NKAIN2: variants seen among roughly 807,000 people sequenced by gnomAD.
NKAIN2 encodes sodium/potassium transporting ATPase interacting 2.
In NKAIN2, 14 loss-of-function variants were observed where a neutral mutation model predicts 32.6. The ratio of observed to expected loss-of-function variants is 0.43; its 90% CI spans 0.28 to 0.67. The LOEUF (loss-of-function observed/expected upper bound fraction) is 0.67. NKAIN2 is among the 30% of genes least tolerant of loss of function. The pLI, the probability that NKAIN2 is intolerant of heterozygous loss-of-function variation, is 0.17. For missense variants in NKAIN2, 198 were observed against 258.3 expected, an observed-to-expected ratio of 0.77 and a Z score of 1.60; for synonymous variants, 80 against 87.2, an observed-to-expected ratio of 0.92 and a Z score of 0.46.
At position 123,922,852 on chromosome 6, in the gene NKAIN2, T is replaced by C. The variant is rs1192120964; in HGVS notation, c.54+118598T>C. ...TATTGAAAGATAAAACATAATTTACTTTTTAATTTTTAACATGGGGAAAGT... is the reference window on the plus strand; with the variant it reads ...TATTGAAAGATAAAACATAATTTACCTTTTAATTTTTAACATGGGGAAAGT... On this transcript the variant is annotated intron_variant, in intron 1 of 6. Transcript: ENST00000368417. Among the ~76,000 whole-genome samples the C allele has an allele frequency of 5.9e-5, 9 of 152,232 alleles. No individual in the cohort carries two copies. In the East Asian group the frequency reaches 1.5e-3, roughly 26 times the overall value.
chr6:124,628,071 C>T (rs1373993169), intron 3 of NKAIN2, among the ~76,000 whole-genome samples: 3 of 152,098 alleles, frequency 2.0e-5, no homozygotes, highest in East Asian at 3.9e-4. Context: ...ACATGAGAAA[C>T]ACTGCAGCCA....
intron 4 of NKAIN2, among the ~76,000 whole-genome samples, chr6:124,744,465 CTGCTTATCTGTTAAAAA>C (rs1361545070): frequency 2.6e-5 from 4 of 151,792 alleles, no homozygotes; most frequent in Non-Finnish European, 5.9e-5. Context: ...CAAATCTCCT[CTGCTTATCTGTTAAAAA>C]ACAATAATAA....
intron 1 of NKAIN2, among the ~76,000 whole-genome samples, chr6:124,058,207 T>G (rs1460696397): frequency 1.5e-3 from 4 of 2,690 alleles, no homozygotes; most frequent in Non-Finnish European, 8.6e-3. Context: ...AAGTTTTGTT[T>G]TTTTTTTTTT....
chr6:124,170,910 GT>G (rs1326857595), intron 1 of NKAIN2, among the ~76,000 whole-genome samples: 1 of 151,940 alleles, frequency 6.6e-6, no homozygotes, highest in East Asian at 1.9e-4. Context: ...TTCTTTATAA[GT>G]TTTTTCCCCA....
chr6:124,185,939 G>A (rs761562267), intron 1 of NKAIN2, among the ~76,000 whole-genome samples: 144 of 151,868 alleles, frequency 9.5e-4, no homozygotes, highest in Non-Finnish European at 1.8e-3. Flanking sequence ...ATAAAGCTTA[G>A]TATATTATTA....
Position 123,940,242 on chromosome 6 carries a change from A to G in NKAIN2, c.54+135988A>G, listed in dbSNP as rs561938505. On this transcript the variant is annotated intron_variant, in intron 1 of 6. Transcript: ENST00000368417. ...ACAAAAACACTTAAAGCACAAAAAA[A>G]TCACGTAAGCTGTGCTCTGAATGCC... Among the ~76,000 whole-genome samples the G allele has an allele frequency of 5.4e-4, 82 of 151,910 alleles. 1 individual carries two copies. Among genetic ancestry groups the G allele is most frequent in the African/African-American group, 1.9e-3 (78 of 41,478 alleles).
chr6:124,411,877 A>G (rs1016131421), intron 3 of NKAIN2, among the ~76,000 whole-genome samples: 13 of 151,938 alleles, frequency 8.6e-5, no homozygotes, highest in African/African-American at 2.9e-4. Flanking sequence ...GGCTTTGTTC[A>G]TTTCTTTTTA....
chr6:124,487,294 C>T (rs751070591), intron 3 of NKAIN2, among the ~76,000 whole-genome samples: 3 of 151,960 alleles, frequency 2.0e-5, no homozygotes, highest in Non-Finnish European at 4.4e-5. Context: ...TATTGCCAAA[C>T]AAAAAGATGA....
intron 3 of NKAIN2, among the ~76,000 whole-genome samples, chr6:124,442,747 G>C (rs1292668888): frequency 2.0e-5 from 3 of 152,106 alleles, no homozygotes; most frequent in Non-Finnish European, 2.9e-5. Context: ...CATGCCAGAA[G>C]CTCTATGTTG....
At chr6:124,440,218 G>C (rs545003317) in intron 3 of NKAIN2, among the ~76,000 whole-genome samples, 4 of 152,096 alleles carry the variant, frequency 2.6e-5, no homozygotes, top group African/African-American at 9.6e-5. Context: ...GATGAATCTA[G>C]GTGACACACC....
At chr6:124,547,399 T>C (rs954904332) in intron 3 of NKAIN2, among the ~76,000 whole-genome samples, 1 of 152,222 alleles carries the variant, frequency 6.6e-6, no homozygotes, top group Non-Finnish European at 1.5e-5. Flanking sequence ...TGATATGAAG[T>C]ATTCAGGGTC....
intron 1 of NKAIN2, among the ~76,000 whole-genome samples, chr6:124,194,534 C>T (rs954067593): frequency 2.0e-5 from 3 of 151,814 alleles, no homozygotes; most frequent in African/African-American, 4.8e-5. Context: ...ACTTGATTTT[C>T]GTACATTCCT....
intron 1 of NKAIN2, among the ~76,000 whole-genome samples, chr6:124,112,804 A>C (rs934748783): frequency 6.7e-6 from 1 of 150,366 alleles, no homozygotes; most frequent in Non-Finnish European, 1.5e-5. Flanking sequence ...AGTGACTTCT[A>C]TTCCAGTTCG....
intron 3 of NKAIN2, among the ~76,000 whole-genome samples, chr6:124,651,592 C>G (rs529816456): frequency 1.3e-5 from 2 of 152,044 alleles, no homozygotes; most frequent in African/African-American, 4.8e-5. Context: ...AACAGTGGCC[C>G]GAGCTGTACT....
intron 5 of NKAIN2, among the ~76,000 whole-genome samples, chr6:124,807,980 T>C (rs1323875320): frequency 6.8e-6 from 1 of 148,132 alleles, no homozygotes; most frequent in East Asian, 2.3e-4. Flanking sequence ...TCTGAAATTG[T>C]GGCAATAATC....
chr6:124,066,489 A>C (rs183419297), intron 1 of NKAIN2, among the ~76,000 whole-genome samples: 2 of 152,288 alleles, frequency 1.3e-5, no homozygotes, highest in African/African-American at 4.8e-5. Flanking sequence ...TCCAGAAGGC[A>C]CTATAGAGTT....
chr6:123,956,687 T>G (rs1582840176), intron 1 of NKAIN2, among the ~76,000 whole-genome samples: 1 of 152,184 alleles, frequency 6.6e-6, no homozygotes, highest in African/African-American at 2.4e-5. Context: ...TCCATTGTTG[T>G]GTCTTCATTC....
chr6:124,083,374 G>T (rs1299960020), intron 1 of NKAIN2, among the ~76,000 whole-genome samples: 1 of 151,758 alleles, frequency 6.6e-6, no homozygotes, highest in Non-Finnish European at 1.5e-5. Context: ...CTTTGTCATT[G>T]TTATTATTGT....
rs2025251 is a variant in NKAIN2, at chr6:124,823,206, T to A, written c.618-14T>A. On this transcript the variant is annotated splice_polypyrimidine_tract_variant and intron_variant, in intron 6 of 6. Coordinates refer to ENST00000368417, the MANE Select transcript of NKAIN2 (RefSeq NM_001040214.3). ...CTTTCCCCCTTGACTAAAAACATCTTTTCTCTCTCTCAGGTCAAAATAATA... is the reference window on the plus strand; with the variant it reads ...CTTTCCCCCTTGACTAAAAACATCTATTCTCTCTCTCAGGTCAAAATAATA... 1.3e-6 allele frequency: 2 copies of A among 1,573,582 alleles called. No homozygotes were observed. The highest frequency in any genetic ancestry group is 3.3e-5 in the Admixed American group (2 of 59,914).
Sources: gnomAD v4.1 joint callset for allele counts (sites outside exome capture counted in the v4.1 genomes callset) on GRCh38, gnomAD v4.1.1 for gene constraint, MANE v1.5 for transcripts, NCBI Gene and HGNC (gene_info 2026-07-23, HGNC 2026-07-21) for gene names.